Variants in EPB41L3 observed in about 807,000 individuals in gnomAD.
The protein encoded by EPB41L3 is band 4.1-like protein 3.
Under a neutral mutation model 127.1 loss-of-function variants are expected in EPB41L3, and 57 were observed. The ratio of observed to expected loss-of-function variants is 0.45; its 90% CI spans 0.36 to 0.56. The LOEUF is 0.56. Ranked by LOEUF, EPB41L3 falls within the 20% of genes least tolerant of loss-of-function variation. The pLI is 0.00. For synonymous variants in EPB41L3, 572 were observed against 549.5 expected (o/e 1.04, Z -0.57); for missense variants, 1,273 against 1,372.2 (o/e 0.93, Z 1.14).
At chr18:5,491,507 A>C (rs1488697080) in intron 1 of EPB41L3, among the ~76,000 whole-genome samples, 1 of 152,206 alleles carries the variant, frequency 6.6e-6, no homozygotes, top group African/African-American at 2.4e-5. Context: ...TACACAAGCT[A>C]AATAAAAATG....
upstream of EPB41L3, chr18:5,544,442 A>C: frequency 2.2e-6 from 1 of 456,626 alleles, no homozygotes; most frequent in Non-Finnish European, 2.9e-6. Context: ...AAATAAAATC[A>C]AGTTGGTGGT....
At chr18:5,591,992 G>A (rs908451581) in intron 3 of EPB41L3, among the ~76,000 whole-genome samples, 6 of 151,904 alleles carry the variant, frequency 3.9e-5, no homozygotes, top group East Asian at 1.9e-4. Context: ...GCATGGTTTG[G>A]ACTTACAAAA....
At chr18:5,577,034 G>A (rs1032965167) in intron 3 of EPB41L3, among the ~76,000 whole-genome samples, 1 of 152,174 alleles carries the variant, frequency 6.6e-6, no homozygotes, top group Non-Finnish European at 1.5e-5. Context: ...AAGGACAAAG[G>A]GAAAGGTGAG....
intron 3 of EPB41L3, among the ~76,000 whole-genome samples, chr18:5,549,385 C>A (rs142002246): frequency 1.3e-5 from 2 of 152,066 alleles, no homozygotes; most frequent in East Asian, 1.9e-4. Context: ...TAAATTTGTT[C>A]AATAGGTCAA....
At chr18:5,511,393 T>G (rs1033163683) in intron 1 of EPB41L3, among the ~76,000 whole-genome samples, 2 of 54,008 alleles carry the variant, frequency 3.7e-5, no homozygotes, top group South Asian at 7.6e-4. Context: ...GTATTTTGGT[T>G]TTTTTTTTTT....
intron 1 of EPB41L3, among the ~76,000 whole-genome samples, chr18:5,538,592 C>A (rs112533922): frequency 5.3e-5 from 8 of 152,196 alleles, no homozygotes; most frequent in Non-Finnish European, 1.0e-4. Flanking sequence ...AGAGCTAAAA[C>A]AGAAAATAGT....
At position 5,447,308 on chromosome 18, in the gene EPB41L3, T is replaced by C. The variant is rs150939373; in HGVS notation, c.382-2064A>G. ...CTGACAAACAGTAGAATAACTAATG[T>C]AGAGCAGATTATTATGCGTGTTTTC... On this transcript the variant is annotated intron_variant, in intron 3 of 22. Transcript: ENST00000341928. Among the ~76,000 whole-genome samples the C allele has an allele frequency of 3.5e-3, 532 of 152,274 alleles. 4 individuals are homozygous for C. Among genetic ancestry groups the C allele is most frequent in the African/African-American group, 0.012 (482 of 41,556 alleles).
chr18:5,415,703 C>A, intron 13 of EPB41L3, 115 bp downstream of exon 13: 1 of 1,125,914 alleles, frequency 8.9e-7, no homozygotes, highest in Non-Finnish European at 1.3e-6. Flanking sequence ...CATATTGGCA[C>A]AGACAATAAA....
At chr18:5,480,222 G>A (rs1314847805) in intron 2 of EPB41L3, 1 of 152,090 alleles carries the variant, frequency 6.6e-6, no homozygotes, top group African/African-American at 2.4e-5. Context: ...GATAGGCATT[G>A]TTTCTGGGAA....
At position 5,517,828 on chromosome 18, in the gene EPB41L3, G is replaced by A. The variant is rs1488561813; in HGVS notation, c.-12+26085C>T. On this transcript the variant is annotated intron_variant, in intron 1 of 22. Coordinates refer to ENST00000341928, the MANE Select transcript of EPB41L3 (RefSeq NM_012307.5). ...CCCTCCCTCCCCGCCACCACCAGACGCTTTTCTCCCTTAGGATTCCAGCAC... is the reference window on the plus strand; with the variant it reads ...CCCTCCCTCCCCGCCACCACCAGACACTTTTCTCCCTTAGGATTCCAGCAC... Among the ~76,000 whole-genome samples, 12 of 151,924 alleles carry A rather than the reference G, an allele frequency of 7.9e-5. No homozygotes were observed. In the East Asian group the frequency reaches 1.4e-3, roughly 17 times the overall value.
chr18:5,450,161 A>G (rs534679846), intron 3 of EPB41L3, among the ~76,000 whole-genome samples: 2 of 152,052 alleles, frequency 1.3e-5, no homozygotes, highest in South Asian at 4.2e-4. Context: ...AAAAAGACCA[A>G]TGGTTGCTAA....
intron 1 of EPB41L3, among the ~76,000 whole-genome samples, chr18:5,525,629 C>T (rs886632390): frequency 2.0e-5 from 3 of 152,044 alleles, no homozygotes; most frequent in East Asian, 3.9e-4. Flanking sequence ...AAAACTTCCA[C>T]AATGATTATA....
At chr18:5,473,177 G>A (rs1302290015) in intron 3 of EPB41L3, among the ~76,000 whole-genome samples, 1 of 151,972 alleles carries the variant, frequency 6.6e-6, no homozygotes, top group African/African-American at 2.4e-5. Flanking sequence ...TGGCCCATTC[G>A]CTGGCATGTT....
chr18:5,600,178 T>A (rs1013644906), intron 3 of EPB41L3, among the ~76,000 whole-genome samples: 1 of 152,122 alleles, frequency 6.6e-6, no homozygotes, highest in African/African-American at 2.4e-5. Context: ...AAGAAAAAAA[T>A]TTCAGGCAGT....
At chr18:5,467,780 C>T (rs915407261) in intron 3 of EPB41L3, among the ~76,000 whole-genome samples, 6 of 152,144 alleles carry the variant, frequency 3.9e-5, no homozygotes, top group African/African-American at 1.4e-4. Flanking sequence ...TTCTTCCTAT[C>T]GATGGCAGTG....
chr18:5,398,521 C>T, intron 16 of EPB41L3: 1 of 403,658 alleles, frequency 2.5e-6, no homozygotes, highest in Non-Finnish European at 4.4e-6. Context: ...AATTAAGAAG[C>T]TGGGTTGGCT....
At chr18:5,458,365 T>C (rs146600882) in intron 3 of EPB41L3, among the ~76,000 whole-genome samples, 5 of 152,364 alleles carry the variant, frequency 3.3e-5, no homozygotes, top group African/African-American at 1.2e-4. Context: ...TTTTACTCTA[T>C]TACTTTGATT....
chr18:5,443,779 G>C, intron 5 of EPB41L3, 59 bp downstream of exon 5: 1 of 1,461,692 alleles, frequency 6.8e-7, no homozygotes, highest in Non-Finnish European at 9.4e-7. Flanking sequence ...TACCAATTCA[G>C]ACAACTTGCT....
intron 11 of EPB41L3, chr18:5,420,094 T>A: frequency 1.1e-6 from 1 of 910,420 alleles, no homozygotes; most frequent in Non-Finnish European, 1.6e-6. Context: ...CATGAGAGCA[T>A]GACCTTCCTG....
Sources: gnomAD v4.1 joint callset for allele counts (sites outside exome capture counted in the v4.1 genomes callset) on GRCh38, gnomAD v4.1.1 for gene constraint, MANE v1.5 for transcripts, NCBI Gene and HGNC (gene_info 2026-07-23, HGNC 2026-07-21) for gene names.